Variants in C1QTNF3 observed in about 807,000 individuals in gnomAD.
The protein encoded by C1QTNF3 is C1q and TNF related 3.
Under a neutral mutation model 32.6 loss-of-function variants are expected in C1QTNF3, and 26 were observed. The ratio of observed to expected loss-of-function variants is 0.80; its 90% CI spans 0.58 to 1.11. The LOEUF (loss-of-function observed/expected upper bound fraction) is 1.11, where lower values mean the gene tolerates loss of function less well. C1QTNF3 is among the 50% of genes least tolerant of loss of function. The pLI, the probability that C1QTNF3 is intolerant of heterozygous loss-of-function variation, is 0.00. For missense variants in C1QTNF3, 362 were observed against 398.2 expected, an observed-to-expected ratio of 0.91 and a Z score of 0.77; for synonymous variants, 155 against 146.0, an observed-to-expected ratio of 1.06 and a Z score of -0.44.
chr5:34,145,182 T>C, the C1QTNF3 span, among the ~76,000 whole-genome samples: 26 of 151,968 alleles, frequency 1.7e-4, no homozygotes, highest in East Asian at 4.8e-3. Flanking sequence ...TATATGTAAT[T>C]GAGGTGCAAA....
chr5:34,085,069 C>T, the C1QTNF3 span, among the ~76,000 whole-genome samples: 1 of 140,836 alleles, frequency 7.1e-6, no homozygotes, highest in Non-Finnish European at 1.5e-5. Context: ...CGGCTCACTG[C>T]AAGCTCCGCC....
At chr5:34,203,117 T>C in the C1QTNF3 span, among the ~76,000 whole-genome samples, 1 of 152,118 alleles carries the variant, frequency 6.6e-6, no homozygotes, top group Non-Finnish European at 1.5e-5. Context: ...TCAACATTCA[T>C]CATCATCAAA....
At chr5:34,052,567 C>A in the C1QTNF3 span, among the ~76,000 whole-genome samples, 1 of 152,236 alleles carries the variant, frequency 6.6e-6, no homozygotes, top group Non-Finnish European at 1.5e-5. Context: ...GACTTTCTAG[C>A]TGTTACTTTG....
chr5:34,113,282 T>G, the C1QTNF3 span, among the ~76,000 whole-genome samples: 2 of 151,294 alleles, frequency 1.3e-5, no homozygotes, highest in Admixed American at 1.3e-4. Flanking sequence ...TATCATTCAG[T>G]GGATGAGTCT....
chr5:34,048,446 A>G, the C1QTNF3 span, among the ~76,000 whole-genome samples: 2 of 152,148 alleles, frequency 1.3e-5, no homozygotes, highest in Admixed American at 6.6e-5. Flanking sequence ...ATTACACAAC[A>G]CAGGGAAGTA....
chr5:34,133,668 T>C, the C1QTNF3 span, among the ~76,000 whole-genome samples: 18 of 152,330 alleles, frequency 1.2e-4, no homozygotes, highest in East Asian at 3.3e-3. Context: ...GTCATGTTCA[T>C]GGGACATCAA....
chr5:34,139,170 A>C, the C1QTNF3 span, among the ~76,000 whole-genome samples: 1 of 151,846 alleles, frequency 6.6e-6, no homozygotes, highest in Non-Finnish European at 1.5e-5. Context: ...TTGAATGTAA[A>C]TATGTGTGTA....
At chr5:34,107,354 T>C in the C1QTNF3 span, among the ~76,000 whole-genome samples, 1 of 149,194 alleles carries the variant, frequency 6.7e-6, no homozygotes, top group Non-Finnish European at 1.5e-5. Flanking sequence ...TCTTATGATA[T>C]AGCATGTTAT....
upstream of C1QTNF3, among the ~76,000 whole-genome samples, chr5:34,046,096 A>G (rs1206060371): frequency 6.6e-6 from 1 of 152,258 alleles, no homozygotes; most frequent in Non-Finnish European, 1.5e-5. Flanking sequence ...TATATTAAAG[A>G]AAAACACAAT....
the C1QTNF3 span, among the ~76,000 whole-genome samples, chr5:34,112,757 G>T: frequency 3.9e-5 from 6 of 152,130 alleles, no homozygotes; most frequent in South Asian, 8.3e-4. Context: ...CTTAGCAGGG[G>T]TTGTGGCCAT....
At chr5:34,197,124 A>T in the C1QTNF3 span, among the ~76,000 whole-genome samples, 1 of 152,312 alleles carries the variant, frequency 6.6e-6, no homozygotes, top group Non-Finnish European at 1.5e-5. Flanking sequence ...ATACTAAGTT[A>T]AGTAAAACGT....
the C1QTNF3 span, among the ~76,000 whole-genome samples, chr5:34,057,827 C>A: frequency 6.6e-6 from 1 of 152,156 alleles, no homozygotes; most frequent in Non-Finnish European, 1.5e-5. Flanking sequence ...CCAGGAGGTG[C>A]CGCAAGTTTT....
the C1QTNF3 span, among the ~76,000 whole-genome samples, chr5:34,237,397 C>T: frequency 6.6e-6 from 1 of 152,164 alleles, no homozygotes; most frequent in African/African-American, 2.4e-5. Context: ...GGAAGTGTAG[C>T]TGTGCTATTT....
Position 34,035,761 on chromosome 5 carries a change from A to G in C1QTNF3, c.304-3T>C. The G allele has an allele frequency of 1.9e-6, 3 of 1,604,018 alleles. No individual in the cohort carries two copies. The highest frequency in any genetic ancestry group is 2.6e-6 in the Non-Finnish European group (3 of 1,172,708). ...GGTAGTCCTCCGGTTTGTGGAGACT[A>G]AAAAGACAGAAAGAGAAGCTTCAGA... On this transcript the variant is annotated splice_polypyrimidine_tract_variant and splice_region_variant and intron_variant, in intron 1 of 5. Coordinates refer to ENST00000382065, the MANE Select transcript of C1QTNF3 (RefSeq NM_181435.6).
At chr5:34,241,931 G>A in the C1QTNF3 span, among the ~76,000 whole-genome samples, 3 of 132,574 alleles carry the variant, frequency 2.3e-5, no homozygotes, top group South Asian at 2.6e-4. Flanking sequence ...AAGGATGGAC[G>A]GAAGGGAGGA....
At chr5:34,211,128 CAATT>C in the C1QTNF3 span, among the ~76,000 whole-genome samples, 1 of 150,944 alleles carries the variant, frequency 6.6e-6, no homozygotes, top group East Asian at 1.9e-4. Context: ...AAAAATGACA[CAATT>C]AGTTTCATAT....
chr5:34,134,506 A>C, the C1QTNF3 span, among the ~76,000 whole-genome samples: 4 of 152,182 alleles, frequency 2.6e-5, no homozygotes, highest in South Asian at 8.3e-4. Context: ...CTTATAACCA[A>C]ATAAAATAAA....
chr5:34,122,250 G>T, the C1QTNF3 span, among the ~76,000 whole-genome samples: 1 of 152,022 alleles, frequency 6.6e-6, no homozygotes, highest in Non-Finnish European at 1.5e-5. Flanking sequence ...ATGTGAGTCT[G>T]GTGTGAGCTC....
At chr5:34,022,020 C>A in intron 5 of C1QTNF3, among the ~76,000 whole-genome samples, 1 of 152,112 alleles carries the variant, frequency 6.6e-6, no homozygotes, top group Admixed American at 6.5e-5. Flanking sequence ...CTGCCCAAAT[C>A]GATTGCTTTA....
Sources: gnomAD v4.1 joint callset for allele counts (sites outside exome capture counted in the v4.1 genomes callset) on GRCh38, gnomAD v4.1.1 for gene constraint, MANE v1.5 for transcripts, NCBI Gene and HGNC (gene_info 2026-07-23, HGNC 2026-07-21) for gene names.